The following RPS6KA3 variants were observed in gnomAD, a reference collection of about 807,000 sequenced individuals.
RPS6KA3 encodes ribosomal protein S6 kinase A3.
RPS6KA3 carries 4 observed loss-of-function variants against 67.2 expected under a neutral mutation model. That is an observed-to-expected ratio of 0.06 (90% CI 0.03 to 0.14). The LOEUF is 0.14. RPS6KA3 is among the 10% of genes least tolerant of loss of function. The pLI is 1.00. For synonymous variants in RPS6KA3, 182 were observed against 183.7 expected (o/e 0.99, Z 0.07); for missense variants, 204 against 559.0 (o/e 0.36, Z 6.40).
intron 2 of RPS6KA3, among the ~76,000 whole-genome samples, chrX:20,213,781 C>A (rs1251834064): frequency 1.8e-5 from 2 of 109,150 alleles, no homozygotes; most frequent in African/African-American, 6.7e-5. Flanking sequence ...ACAACCAAAT[C>A]CTTCATGCTC....
In RPS6KA3 at chrX:20,226,666, T is replaced by C. The variant is rs764911810; in HGVS notation, c.126+8092A>G. On this transcript the variant is annotated intron_variant, in intron 2 of 21. Coordinates refer to ENST00000379565, the MANE Select transcript of RPS6KA3 (RefSeq NM_004586.3). The stretch of plus-strand genomic sequence containing the variant: ...TTTTTAAATTTCACTTGAATTTTTA[T>C]CAAAGGCTTTATAAAGGGTCAAAAA... Among the ~76,000 whole-genome samples the C allele has an allele frequency of 1.1e-3, 126 of 112,480 alleles. 1 individual carries two copies. The highest frequency in any genetic ancestry group is 3.9e-3 in the African/African-American group (120 of 31,024).
intron 1 of RPS6KA3, among the ~76,000 whole-genome samples, chrX:20,245,948 T>C (rs1362571098): frequency 1.8e-5 from 2 of 109,127 alleles, no homozygotes; most frequent in East Asian, 2.9e-4. Context: ...TGAAACCCCG[T>C]CTCTACTAAA....
At chrX:20,223,358 G>C (rs2069031460) in intron 2 of RPS6KA3, among the ~76,000 whole-genome samples, 1 of 110,921 alleles carries the variant, frequency 9.0e-6, no homozygotes, top group Non-Finnish European at 1.9e-5. Flanking sequence ...TGAAAGTTTA[G>C]AAGATTTTTC....
chrX:20,193,137 G>A (rs2068184361), intron 7 of RPS6KA3, among the ~76,000 whole-genome samples: 1 of 111,157 alleles, frequency 9.0e-6, no homozygotes, highest in African/African-American at 3.3e-5. Flanking sequence ...AATTAGCTGG[G>A]TGTGTTGGCA....
chrX:20,264,052 C>A (rs959219502), intron 1 of RPS6KA3, among the ~76,000 whole-genome samples: 2 of 112,124 alleles, frequency 1.8e-5, no homozygotes, highest in African/African-American at 6.5e-5. Context: ...AAATATTAGA[C>A]CTCTGAGTGG....
intron 2 of RPS6KA3, among the ~76,000 whole-genome samples, chrX:20,224,821 G>A (rs1450448386): frequency 3.6e-5 from 4 of 111,160 alleles, no homozygotes; most frequent in Non-Finnish European, 5.7e-5. Context: ...ATCTCCCGTC[G>A]GCATGAAGAG....
intron 20 of RPS6KA3, among the ~76,000 whole-genome samples, chrX:20,158,395 G>C: frequency 9.8e-6 from 1 of 102,198 alleles, no homozygotes; most frequent in Non-Finnish European, 2.0e-5. Flanking sequence ...AAAAGAGAGA[G>C]AGAGAGAGAG....
chrX:20,221,209 TAATA>T (rs1470419482), intron 2 of RPS6KA3, among the ~76,000 whole-genome samples: 1 of 111,831 alleles, frequency 8.9e-6, no homozygotes, highest in Non-Finnish European at 1.9e-5. Context: ...ATGGCTGCCT[TAATA>T]AATATCATAT....
chrX:20,164,041 C>T (rs1269572418), intron 18 of RPS6KA3, among the ~76,000 whole-genome samples: 4 of 111,251 alleles, frequency 3.6e-5, no homozygotes, highest in African/African-American at 1.3e-4. Context: ...GTCCCAGCTA[C>T]CTGGAAGGCT....
Position 20,242,858 on chromosome X carries a change from C to A in RPS6KA3, c.70-8044G>T, listed in dbSNP as rs148096021. On this transcript the variant is annotated intron_variant, in intron 1 of 21. Coordinates refer to ENST00000379565, the MANE Select transcript of RPS6KA3 (RefSeq NM_004586.3). ...ATGAGAAGAGGAAACAGAAATGGAA[C>A]AAGATTGGCCATGAGTTTGATAATC... Among the ~76,000 whole-genome samples, 746 of 110,761 alleles carry A rather than the reference C, an allele frequency of 6.7e-3. 7 individuals are homozygous for A. Among genetic ancestry groups the A allele is most frequent in the African/African-American group, 0.024 (723 of 30,493 alleles).
chrX:20,233,423 T>C (rs971249679), intron 2 of RPS6KA3, among the ~76,000 whole-genome samples: 3 of 110,974 alleles, frequency 2.7e-5, no homozygotes, highest in African/African-American at 9.8e-5. Context: ...TAGAATACTG[T>C]AACTGTGTAA....
Position 20,266,506 on chromosome X carries a change from G to A in RPS6KA3, c.69+58C>T, listed in dbSNP as rs183767362. On this transcript the variant is annotated intron_variant, in intron 1 of 21. Coordinates refer to ENST00000379565, the MANE Select transcript of RPS6KA3 (RefSeq NM_004586.3). ...AGTGGCCAGCTCCGGGGAGCGAAGC[G>A]AGCCGGCGGGGGCGCGAGGAGGAGA... 6,786 of 985,981 alleles carry A rather than the reference G, an allele frequency of 6.9e-3. 371 individuals carry two copies. The Admixed American group carries it at 0.15, about 22-fold the overall frequency. The allele number at this position is 985,981 out of a possible 1,213,427, so 81.3% of individuals were successfully genotyped here.
intron 7 of RPS6KA3, 71 bp from the exon 8 acceptor site, chrX:20,188,605 T>C (rs947020852): frequency 1.3e-5 from 7 of 548,277 alleles, no homozygotes; most frequent in Non-Finnish European, 2.2e-5. Flanking sequence ...TGAAATTACA[T>C]CCTTAAGCAT....
At position 20,153,940 on chromosome X, in the gene RPS6KA3, T is replaced by C. The variant is rs1001420386; in HGVS notation, c.*1458A>G. The C allele has an allele frequency of 8.9e-6, 1 of 112,328 alleles. No individual in the cohort carries two copies. The highest frequency in any genetic ancestry group is 1.9e-5 in the Non-Finnish European group (1 of 53,270). 9.3% of individuals were successfully genotyped at this position (112,328 alleles called of 1,213,427 possible). A position where few individuals can be genotyped will look rare whatever the true frequency, so the allele number is the denominator to read the frequency against. On this transcript the variant is annotated 3_prime_UTR_variant, in exon 22 of 22. Coordinates refer to ENST00000379565, the MANE Select transcript of RPS6KA3 (RefSeq NM_004586.3). ...CCGGCCTGTAGGGGCACATTCTTGA[T>C]GAGGTAAGTTAAATCACTTTTTTCT...
At chrX:20,192,409 A>G (rs2068155274) in intron 7 of RPS6KA3, among the ~76,000 whole-genome samples, 1 of 99,364 alleles carries the variant, frequency 1.0e-5, no homozygotes, top group African/African-American at 4.0e-5. Context: ...GAGCTAAAAG[A>G]AAAAAAAAAA....
intron 2 of RPS6KA3, among the ~76,000 whole-genome samples, chrX:20,215,563 A>G (rs2148747850): frequency 8.9e-6 from 1 of 111,937 alleles, no homozygotes; most frequent in Non-Finnish European, 1.9e-5. Context: ...TATATGGAAA[A>G]TTACAGTAGT....
chrX:20,196,850 CCT>C (rs1491448214), intron 4 of RPS6KA3, among the ~76,000 whole-genome samples: 1 of 111,660 alleles, frequency 9.0e-6, no homozygotes, highest in Non-Finnish European at 1.9e-5. Context: ...TGATATGCCC[CCT>C]TTTTTTTGAG....
chrX:20,171,203 G>A (rs990721058), intron 15 of RPS6KA3, among the ~76,000 whole-genome samples: 11 of 112,144 alleles, frequency 9.8e-5, no homozygotes, highest in Non-Finnish European at 5.6e-5. Flanking sequence ...GTCAACAGTA[G>A]GCTATGAGCA....
chrX:20,234,850 C>T, intron 1 of RPS6KA3, 36 bp from the exon 2 acceptor site: 1 of 1,047,588 alleles, frequency 9.5e-7, no homozygotes, highest in Non-Finnish European at 1.3e-6. Flanking sequence ...GTTACCAAAA[C>T]AGACCTCACA....
Sources: gnomAD v4.1 joint callset for allele counts (sites outside exome capture counted in the v4.1 genomes callset) on GRCh38, gnomAD v4.1.1 for gene constraint, MANE v1.5 for transcripts, NCBI Gene and HGNC (gene_info 2026-07-23, HGNC 2026-07-21) for gene names.